SNX14: variants seen among roughly 807,000 people sequenced by gnomAD.
SNX14 encodes the protein sorting nexin 14.
A neutral mutation model predicts 133.8 loss-of-function variants in SNX14; 93 were observed. That is an observed-to-expected ratio of 0.70 (90% CI 0.59 to 0.83). The LOEUF is 0.83. Ranked by LOEUF, SNX14 falls within the 40% of genes least tolerant of loss-of-function variation. SNX14 has a pLI of 0.00. For missense variants in SNX14, 945 were observed against 1,094.9 expected (o/e 0.86, Z 1.93); for synonymous variants, 368 against 365.6 (o/e 1.01, Z -0.07).
chr6:85,550,788 C>T (rs990533108), intron 7 of SNX14, among the ~76,000 whole-genome samples: 1 of 144,306 alleles, frequency 6.9e-6, no homozygotes, highest in African/African-American at 2.5e-5. Flanking sequence ...CCTCAAAATT[C>T]TTTTTTTTTT....
chr6:85,533,559 A>T lies in SNX14; in HGVS notation c.1810+40T>A. On this transcript the variant is annotated intron_variant, in intron 18 of 28. Coordinates refer to ENST00000314673, the MANE Select transcript of SNX14 (RefSeq NM_153816.6). ...ATACCTGATAACAACAGACTCATTCATGGGCATCTTTTAAGAAAGGTGCTC... is the reference window on the plus strand; with the variant it reads ...ATACCTGATAACAACAGACTCATTCTTGGGCATCTTTTAAGAAAGGTGCTC... The T allele has an allele frequency of 1.3e-6, 2 of 1,579,892 alleles. 1 individual carries two copies. The highest frequency in any genetic ancestry group is 2.3e-5 in the South Asian group (2 of 88,366).
chr6:85,557,946 TACTC>T, intron 7 of SNX14, 26 bp downstream of exon 7: 1 of 1,337,302 alleles, frequency 7.5e-7, no homozygotes, highest in Non-Finnish European at 1.1e-6. Context: ...AAAACAAAAT[TACTC>T]AAACTGTAGT....
At chr6:85,530,910 GT>G (rs71002995) in intron 18 of SNX14, among the ~76,000 whole-genome samples, 25 of 151,848 alleles carry the variant, frequency 1.6e-4, no homozygotes, top group Middle Eastern at 3.4e-3. Context: ...TATTTCATAA[GT>G]TTTTTTTATT....
intron 7 of SNX14, among the ~76,000 whole-genome samples, chr6:85,555,444 T>C (rs961867165): frequency 6.6e-6 from 1 of 152,170 alleles, no homozygotes; most frequent in African/African-American, 2.4e-5. Flanking sequence ...AGAGGTTAAA[T>C]GTATATTGCT....
intron 28 of SNX14, among the ~76,000 whole-genome samples, chr6:85,506,929 A>G (rs1252503989): frequency 2.6e-5 from 4 of 152,154 alleles, no homozygotes; most frequent in Admixed American, 2.0e-4. Flanking sequence ...GATAACACTG[A>G]GCTTGGCCTA....
intron 17 of SNX14, among the ~76,000 whole-genome samples, chr6:85,534,400 C>T (rs1482194267): frequency 6.6e-6 from 1 of 152,186 alleles, no homozygotes; most frequent in African/African-American, 2.4e-5. Flanking sequence ...AAAGAGGATT[C>T]CCCAAGGTCC....
intron 25 of SNX14, 46 bp from the exon 26 acceptor site, chr6:85,513,941 A>C: frequency 1.9e-6 from 3 of 1,570,226 alleles, no homozygotes; most frequent in Non-Finnish European, 2.6e-6. Flanking sequence ...TCATCTATTT[A>C]TACACAAAGG....
chr6:85,534,119 G>A lies in SNX14; in HGVS notation c.1609-319C>T, dbSNP rs886925090. Among the ~76,000 whole-genome samples the A allele has an allele frequency of 2.0e-5, 3 of 152,122 alleles. No homozygotes were observed. The East Asian group carries it at 5.8e-4, about 29-fold the overall frequency. On this transcript the variant is annotated intron_variant, in intron 17 of 28. Transcript: ENST00000314673. ...GCCCAGGAGTTTGAGACTAGCCTGG[G>A]AAACACAGAGCAAGTAGGCACTGCT...
chr6:85,593,476 C>G lies in SNX14; in HGVS notation c.140+103G>C, dbSNP rs1447730154. On this transcript the variant is annotated intron_variant, in intron 1 of 28. Transcript: ENST00000314673. ...CGGAGCTCGCTCTCCCCACTGGTCCCCAGTCCCGCAGCTACGCGGCCTCCG... is the reference window on the plus strand; with the variant it reads ...CGGAGCTCGCTCTCCCCACTGGTCCGCAGTCCCGCAGCTACGCGGCCTCCG... 4 of 1,456,136 alleles carry G rather than the reference C, an allele frequency of 2.7e-6. No individual in the cohort carries two copies. The East Asian group carries it at 1.0e-4, about 37-fold the overall frequency. 90.2% of individuals were successfully genotyped at this position (1,456,136 alleles called of 1,614,324 possible).
intron 1 of SNX14, among the ~76,000 whole-genome samples, chr6:85,583,279 T>G (rs543049015): frequency 6.6e-6 from 1 of 152,208 alleles, no homozygotes; most frequent in Non-Finnish European, 1.5e-5. Flanking sequence ...GAGTTATTTA[T>G]GACAAACCCA....
In SNX14 at chr6:85,572,141, G is replaced by C. The variant is rs1231105455; in HGVS notation, c.413C>G (p.Ser138Ter). 1 of 1,612,062 alleles carries C rather than the reference G, an allele frequency of 6.2e-7. No homozygotes were observed. Among genetic ancestry groups the C allele is most frequent in the Non-Finnish European group, 8.5e-7 (1 of 1,179,014 alleles). The change falls in exon 4 of 29, where the codon TCA becomes TGA. Residue 138 changes from serine to a stop codon, truncating the protein, a stop_gained. Transcript: ENST00000314673. LOFTEE classifies it high-confidence loss of function. ...KISSKVDASL[S>*]EVLELVLENF... ...AATATTAATTAAATCAGTTACCTCT[G>C]AGAGAGATGCATCAACCTTGGAAGA...
At chr6:85,578,149 C>A (rs532016778) in intron 1 of SNX14, among the ~76,000 whole-genome samples, 3 of 152,016 alleles carry the variant, frequency 2.0e-5, no homozygotes, top group Non-Finnish European at 4.4e-5. Flanking sequence ...AGAAATAATG[C>A]GTAAATACTA....
chr6:85,579,248 G>T (rs1164647440), intron 1 of SNX14, among the ~76,000 whole-genome samples: 3 of 152,162 alleles, frequency 2.0e-5, no homozygotes, highest in Non-Finnish European at 4.4e-5. Context: ...CAGGTGCCGG[G>T]CATGGGCAAG....
At chr6:85,509,624 C>A (rs1772066575) in intron 26 of SNX14, among the ~76,000 whole-genome samples, 2 of 152,174 alleles carry the variant, frequency 1.3e-5, no homozygotes, top group South Asian at 4.2e-4. Flanking sequence ...CTATCAACAT[C>A]CCCAACAAGA....
At position 85,543,608 on chromosome 6, in the gene SNX14, T is replaced by G; in HGVS notation, c.1261A>C (p.Arg421=). 7 of 1,571,396 alleles carry G rather than the reference T, an allele frequency of 4.5e-6. No homozygotes were observed. The highest frequency in any genetic ancestry group is 6.1e-6 in the Non-Finnish European group (7 of 1,156,126). The change falls in exon 13 of 29, where the codon AGA becomes CGA. Residue 421 remains arginine (R), a synonymous_variant. Coordinates refer to ENST00000314673, the MANE Select transcript of SNX14 (RefSeq NM_153816.6). ...ATTCTTATCGTCTTTGACTTACTTC[T>G]TTGAATCTCTTCTACAATGAAGGGA... ...FDPFIVEEIQ[R]IAEGPYIDVV...
intron 16 of SNX14, 111 bp downstream of exon 16, chr6:85,538,727 C>A: frequency 1.3e-6 from 1 of 774,204 alleles, no homozygotes; most frequent in Non-Finnish European, 2.1e-6. Flanking sequence ...GATATAATGG[C>A]AGTTAATACC....
chr6:85,513,984 A>G, intron 25 of SNX14, 86 bp downstream of exon 25: 1 of 1,558,582 alleles, frequency 6.4e-7, no homozygotes, highest in Non-Finnish European at 8.7e-7. Flanking sequence ...AATAAACCAA[A>G]GCAAAACAAG....
At chr6:85,506,503 A>G (rs770139561) in intron 28 of SNX14, among the ~76,000 whole-genome samples, 25 of 152,208 alleles carry the variant, frequency 1.6e-4, no homozygotes, top group Non-Finnish European at 2.8e-4. Flanking sequence ...TTTTTAGTAG[A>G]GACAGGGTTT....
Position 85,548,402 on chromosome 6 carries a change from T to C in SNX14, c.792-26A>G, listed in dbSNP as rs757638779. On this transcript the variant is annotated intron_variant, in intron 8 of 28. Coordinates refer to ENST00000314673, the MANE Select transcript of SNX14 (RefSeq NM_153816.6). The stretch of plus-strand genomic sequence containing the variant: ...CTGGAAAAAGAAATAATAATAATTG[T>C]TTATATTTAGTGATTTATATTAGTT... 6.6e-6 allele frequency: 10 copies of C among 1,508,322 alleles called. No homozygotes were observed. The Admixed American group carries it at 1.2e-4, about 18-fold the overall frequency. The allele number at this position is 1,508,322 out of a possible 1,614,324, so 93.4% of individuals were successfully genotyped here.
Sources: gnomAD v4.1 joint callset for allele counts (sites outside exome capture counted in the v4.1 genomes callset) on GRCh38, gnomAD v4.1.1 for gene constraint, MANE v1.5 for transcripts, NCBI Gene and HGNC (gene_info 2026-07-23, HGNC 2026-07-21) for gene names.